DOCK7: variants seen among roughly 807,000 people sequenced by gnomAD.
The protein encoded by DOCK7 is dedicator of cytokinesis 7, also known as dedicator of cytokinesis protein 7.
In DOCK7, 138 loss-of-function variants were observed where a neutral mutation model predicts 271.0. That is an observed-to-expected ratio of 0.51 (90% CI 0.44 to 0.59). The LOEUF is 0.59. DOCK7 is among the 20% of genes least tolerant of loss of function. The pLI is 0.00. For missense variants in DOCK7, 2,066 were observed against 2,592.4 expected, an observed-to-expected ratio of 0.80 and a Z score of 4.41; for synonymous variants, 823 against 876.1, an observed-to-expected ratio of 0.94 and a Z score of 1.07.
chr1:62,559,041 T>C lies in DOCK7; in HGVS notation c.2379A>G (p.Leu793=). 6.2e-6 allele frequency: 10 copies of C among 1,613,854 alleles called. No individual in the cohort carries two copies. Among genetic ancestry groups the C allele is most frequent in the East Asian group, 2.2e-5 (1 of 44,870 alleles). The stretch of plus-strand genomic sequence containing the variant: ...TAATAACTAAAAGTATCAGTTTATC[T>C]AGCAGAAGATGAAGAAATCGGACCA... The part of the protein sequence containing the change: ...EPVVRFLHLL[L]DKLILLVIRP... Residue 793 remains leucine (L), a synonymous_variant, in exon 20 of 50, where the codon CTA becomes CTG. Transcript: ENST00000635253.
chr1:62,631,721 C>T (rs932578316), intron 10 of DOCK7, among the ~76,000 whole-genome samples: 1 of 151,264 alleles, frequency 6.6e-6, no homozygotes, highest in African/African-American at 2.5e-5. Context: ...TAACCATGGT[C>T]TAGTCAGCAA....
In DOCK7 at chr1:62,639,426, CTTTTTTTTT is replaced by C. The variant is rs386367151; in HGVS notation, c.819-2832_819-2824del. ...AACTTAGTGCAAACTTTGTAATACT[CTTTTTTTTT>C]TTTTTTTTTTTTTTTTTGAGATGGA... On this transcript the variant is annotated intron_variant, in intron 7 of 49. Coordinates refer to ENST00000635253, the MANE Select transcript of DOCK7 (RefSeq NM_001367561.1). Among the ~76,000 whole-genome samples, 5 of 75,864 alleles carry C rather than the reference CTTTTTTTTT, an allele frequency of 6.6e-5. No individual in the cohort carries two copies. In the South Asian group the frequency reaches 2.2e-3, roughly 34 times the overall value. 49.8% of individuals were successfully genotyped at this position (75,864 alleles called of 152,430 possible).
At chr1:62,501,995 C>A (rs1185267388) in intron 37 of DOCK7, among the ~76,000 whole-genome samples, 1 of 151,714 alleles carries the variant, frequency 6.6e-6, no homozygotes, top group Non-Finnish European at 1.5e-5. Flanking sequence ...ATTTTTTAAA[C>A]CATTCAAAAC....
intron 20 of DOCK7, among the ~76,000 whole-genome samples, chr1:62,557,713 T>C (rs1227096897): frequency 6.6e-6 from 1 of 150,986 alleles, no homozygotes; most frequent in Non-Finnish European, 1.5e-5. Context: ...GTAAATGCTA[T>C]GCAAGTGTTT....
chr1:62,592,301 T>A (rs187398551), intron 14 of DOCK7, among the ~76,000 whole-genome samples: 1 of 152,116 alleles, frequency 6.6e-6, no homozygotes, highest in African/African-American at 2.4e-5. Flanking sequence ...AGGAAAAAGA[T>A]GAATTCCTAT....
chr1:62,548,232 A>G (rs1057087803), intron 22 of DOCK7, among the ~76,000 whole-genome samples: 4 of 151,974 alleles, frequency 2.6e-5, no homozygotes, highest in African/African-American at 9.7e-5. Context: ...AAAAAGACAA[A>G]AAACAGAATA....
Position 62,466,929 on chromosome 1 carries a change from CA to C in DOCK7, c.6212+7052del, listed in dbSNP as rs375458784. On this transcript the variant is annotated intron_variant, in intron 48 of 49. Transcript: ENST00000635253. The stretch of plus-strand genomic sequence containing the variant: ...AGATTCTGTCTCAAAAAAACAAAAA[CA>C]AAAACAAAAAAAAACAAAAAACAAG... Among the ~76,000 whole-genome samples, 18 of 151,088 alleles carry C rather than the reference CA, an allele frequency of 1.2e-4. No homozygotes were observed. In the East Asian group the frequency reaches 3.5e-3, roughly 29 times the overall value.
chr1:62,649,826 T>C (rs1408480), intron 4 of DOCK7, among the ~76,000 whole-genome samples: 5,558 of 152,286 alleles, frequency 0.036, 251 homozygotes, highest in African/African-American at 0.11. Flanking sequence ...ATGCTTTCAA[T>C]ATGGAGCCTT....
chr1:62,559,996 T>C (rs1245357247), intron 19 of DOCK7, among the ~76,000 whole-genome samples: 8 of 152,236 alleles, frequency 5.3e-5, no homozygotes, highest in African/African-American at 1.9e-4. Context: ...ACTGAACTTC[T>C]GTGGCAGACA....
At chr1:62,565,140 T>C (rs1018134671) in intron 18 of DOCK7, among the ~76,000 whole-genome samples, 18 of 152,124 alleles carry the variant, frequency 1.2e-4, no homozygotes, top group African/African-American at 4.3e-4. Context: ...GCTGGTACCA[T>C]TCCTTCTGAA....
chr1:62,603,235 TG>T (rs1213198142), intron 14 of DOCK7, among the ~76,000 whole-genome samples: 1 of 151,712 alleles, frequency 6.6e-6, no homozygotes, highest in Non-Finnish European at 1.5e-5. Context: ...CATTTGTACT[TG>T]TATTTACCAG....
intron 31 of DOCK7, among the ~76,000 whole-genome samples, chr1:62,520,124 G>T (rs991842939): frequency 6.6e-6 from 1 of 152,056 alleles, no homozygotes; most frequent in African/African-American, 2.4e-5. Flanking sequence ...AGACTTAAAC[G>T]TAAGACCTAA....
At position 62,535,473 on chromosome 1, in the gene DOCK7, G is replaced by C; in HGVS notation, c.3611+20C>G. ...CAAAATCAAACTCATATTCTACAAG[G>C]TAAAAACTAGTGTACTCACCCTTCA... On this transcript the variant is annotated intron_variant, in intron 29 of 49. Coordinates refer to ENST00000635253, the MANE Select transcript of DOCK7 (RefSeq NM_001367561.1). 2 of 1,608,130 alleles carry C rather than the reference G, an allele frequency of 1.2e-6. No individual in the cohort carries two copies. The highest frequency in any genetic ancestry group is 4.5e-5 in the East Asian group (2 of 44,704).
chr1:62,679,865 C>T (rs1168792832), intron 1 of DOCK7, among the ~76,000 whole-genome samples: 2 of 152,144 alleles, frequency 1.3e-5, no homozygotes, highest in Non-Finnish European at 2.9e-5. Flanking sequence ...GAACTACAAA[C>T]CACTGCTCAA....
intron 25 of DOCK7, among the ~76,000 whole-genome samples, chr1:62,540,630 A>G (rs1221476781): frequency 6.6e-6 from 1 of 152,212 alleles, no homozygotes; most frequent in African/African-American, 2.4e-5. Flanking sequence ...TACAATAAAT[A>G]TGAGGACTAT....
rs896626424 is a variant in DOCK7, at chr1:62,502,966, T to G, written c.4764+1664A>C. On this transcript the variant is annotated intron_variant, in intron 37 of 49. Coordinates refer to ENST00000635253, the MANE Select transcript of DOCK7 (RefSeq NM_001367561.1). The stretch of plus-strand genomic sequence containing the variant: ...ACAGGCAAAGGCAATTAAATTAAGT[T>G]CAAATTAAAAAGAAAGCAGAGGTCA... 1.2e-4 allele frequency among the ~76,000 whole-genome samples: 19 copies of G among 152,126 alleles called. 1 individual carries two copies. The highest frequency in any genetic ancestry group is 1.8e-4 in the Non-Finnish European group (12 of 67,982).
At chr1:62,616,515 T>C (rs763002910) in intron 14 of DOCK7, among the ~76,000 whole-genome samples, 11 of 151,748 alleles carry the variant, frequency 7.2e-5, no homozygotes, top group Non-Finnish European at 8.9e-5. Flanking sequence ...AAATTATATA[T>C]AATTATGAAT....
chr1:62,554,493 A>G (rs998435483), intron 21 of DOCK7, among the ~76,000 whole-genome samples: 17 of 150,990 alleles, frequency 1.1e-4, no homozygotes, highest in African/African-American at 3.6e-4. Flanking sequence ...AAAAAAAAAA[A>G]AAAAAAGCAA....
intron 17 of DOCK7, among the ~76,000 whole-genome samples, chr1:62,578,383 T>C (rs748485727): frequency 6.6e-6 from 1 of 152,116 alleles, no homozygotes; most frequent in Non-Finnish European, 1.5e-5. Context: ...TCCTAATCAA[T>C]GCAACTTCAT....
Sources: allele counts gnomAD v4.1 joint callset (sites outside exome capture counted in the v4.1 genomes callset), GRCh38; gene constraint gnomAD v4.1.1; transcripts MANE v1.5; gene names NCBI Gene and HGNC (gene_info 2026-07-23, HGNC 2026-07-21).